The following KAT6A variants were observed in gnomAD, a reference collection of about 807,000 sequenced individuals.
KAT6A encodes the protein lysine acetyltransferase 6A.
In KAT6A, 9 loss-of-function variants were observed where a neutral mutation model predicts 198.4. The ratio of observed to expected loss-of-function variants is 0.05; its 90% CI spans 0.03 to 0.08. The LOEUF is 0.08. KAT6A is among the 10% of genes least tolerant of loss of function. The pLI, the probability that KAT6A is intolerant of heterozygous loss-of-function variation, is 1.00. For synonymous variants in KAT6A, 890 were observed against 883.0 expected, an observed-to-expected ratio of 1.01 and a Z score of -0.14; for missense variants, 2,077 against 2,509.9, an observed-to-expected ratio of 0.83 and a Z score of 3.69.
chr8:42,007,875 T>C (rs2150906493), intron 2 of KAT6A, among the ~76,000 whole-genome samples: 1 of 139,254 alleles, frequency 7.2e-6, no homozygotes, highest in African/African-American at 2.7e-5. Flanking sequence ...GGCAGGAGAA[T>C]GGCGTGAACC....
chr8:42,028,167 A>G lies in KAT6A; in HGVS notation c.600+20211T>C, dbSNP rs574705191. Among the ~76,000 whole-genome samples, 35 of 152,324 alleles carry G rather than the reference A, an allele frequency of 2.3e-4. No individual in the cohort carries two copies. The South Asian group carries it at 3.5e-3, about 15-fold the overall frequency. ...TGTTGAGACTTGTTTGGTCTATCCTAGAGAATGATCCATGTGCTGATGAGA... is the reference window on the plus strand; with the variant it reads ...TGTTGAGACTTGTTTGGTCTATCCTGGAGAATGATCCATGTGCTGATGAGA... On this transcript the variant is annotated intron_variant, in intron 2 of 16. Coordinates refer to ENST00000265713, the MANE Select transcript of KAT6A (RefSeq NM_006766.5).
At chr8:42,032,871 CTTTTTT>C (rs1163323345) in intron 2 of KAT6A, among the ~76,000 whole-genome samples, 4 of 76,534 alleles carry the variant, frequency 5.2e-5, no homozygotes, top group African/African-American at 1.1e-4. Flanking sequence ...AAAACCTTGG[CTTTTTT>C]TTTTTTTTTT....
chr8:42,029,841 C>T (rs549664351), intron 2 of KAT6A, among the ~76,000 whole-genome samples: 1 of 152,110 alleles, frequency 6.6e-6, no homozygotes, highest in Non-Finnish European at 1.5e-5. Context: ...TGTTAAATTT[C>T]TCATTCAGAT....
At chr8:42,038,370 G>A (rs1827479053) in intron 2 of KAT6A, among the ~76,000 whole-genome samples, 1 of 152,170 alleles carries the variant, frequency 6.6e-6, no homozygotes, top group South Asian at 2.1e-4. Context: ...TAACAAGAGT[G>A]TATAGCTATT....
intron 2 of KAT6A, among the ~76,000 whole-genome samples, chr8:42,017,753 G>T (rs1826344218): frequency 6.6e-6 from 1 of 152,132 alleles, no homozygotes; most frequent in South Asian, 2.1e-4. Flanking sequence ...TGCACTTGAG[G>T]ATTCTGAACA....
chr8:41,993,125 A>G (rs545940304), intron 2 of KAT6A, among the ~76,000 whole-genome samples: 3 of 152,292 alleles, frequency 2.0e-5, no homozygotes, highest in African/African-American at 7.2e-5. Context: ...GATCAGTTTC[A>G]CATTACTAGA....
At chr8:41,980,688 A>T (rs1418627381) in intron 5 of KAT6A, among the ~76,000 whole-genome samples, 158 bp downstream of exon 5, 1 of 152,212 alleles carries the variant, frequency 6.6e-6, no homozygotes, top group Non-Finnish European at 1.5e-5. Flanking sequence ...ACTCAGAAAG[A>T]CTATCCCCCC....
chr8:42,045,638 C>A (rs1360330201), intron 2 of KAT6A, among the ~76,000 whole-genome samples: 1 of 149,010 alleles, frequency 6.7e-6, no homozygotes, highest in Non-Finnish European at 1.5e-5. Context: ...TTCATTTTTT[C>A]AATTATTAAA....
chr8:41,943,582 T>C (rs1822246773), intron 13 of KAT6A, among the ~76,000 whole-genome samples, 166 bp downstream of exon 13: 1 of 152,150 alleles, frequency 6.6e-6, no homozygotes, highest in Admixed American at 6.5e-5. Flanking sequence ...AGACCATATA[T>C]ATAGTCAATC....
At position 41,981,929 on chromosome 8, in the gene KAT6A, G is replaced by C; in HGVS notation, c.735C>G (p.Ser245=). 1 of 1,613,044 alleles carries C rather than the reference G, an allele frequency of 6.2e-7. No homozygotes were observed. The highest frequency in any genetic ancestry group is 8.5e-7 in the Non-Finnish European group (1 of 1,179,146). ...NSGHPSCLKF[S]PELTVRVKAL... is the part of the protein sequence containing the mutation. ...CCTTCACTCGAACCGTTAGTTCAGGGGAAAACTTTAAACAGGATGGATGGC... is the reference window on the plus strand; with the variant it reads ...CCTTCACTCGAACCGTTAGTTCAGGCGAAAACTTTAAACAGGATGGATGGC... The change falls in exon 4 of 17, where the codon TCC becomes TCG. Residue 245 remains serine (S), a synonymous_variant. Coordinates refer to ENST00000265713, the MANE Select transcript of KAT6A (RefSeq NM_006766.5).
At chr8:42,050,834 T>C (rs895939582) in intron 1 of KAT6A, among the ~76,000 whole-genome samples, 2 of 152,046 alleles carry the variant, frequency 1.3e-5, no homozygotes, top group African/African-American at 4.8e-5. Flanking sequence ...CCAGTCGGGA[T>C]TGTCATCAGT....
At chr8:41,982,494 T>G (rs1046149220) in intron 3 of KAT6A, among the ~76,000 whole-genome samples, 4 of 152,236 alleles carry the variant, frequency 2.6e-5, no homozygotes, top group African/African-American at 9.6e-5. Flanking sequence ...TTTTGCTTTC[T>G]GAGGCTTTAG....
rs1433510968 is a variant in KAT6A at position 41,933,668 on chromosome 8, A to G, written c.4552T>C (p.Ser1518Pro). ...TTCTGCATAGAGGGTGCGGACAGGG[A>G]TCCTTGTTCTGGGCTGATCTGGGTG... is the stretch of plus-strand genomic sequence containing the variant. ...GYTQISPEQG[S>P]LSAPSMQNME... The change falls in exon 17 of 17, where the codon TCC (serine) becomes CCC (proline). Residue 1518 changes from serine (S) to proline (P), a missense_variant. Coordinates refer to ENST00000265713, the MANE Select transcript of KAT6A (RefSeq NM_006766.5). This position sits in a 1 kb window ranked among gnomAD's most constrained non-coding sequence, Gnocchi z 6.2. The G allele has an allele frequency of 1.3e-5, 21 of 1,613,886 alleles. No individual in the cohort carries two copies. The highest frequency in any genetic ancestry group is 1.7e-5 in the Non-Finnish European group (20 of 1,180,018).
At chr8:42,030,628 G>A (rs1827062050) in intron 2 of KAT6A, among the ~76,000 whole-genome samples, 1 of 151,768 alleles carries the variant, frequency 6.6e-6, no homozygotes. Flanking sequence ...GCAGTGGCGG[G>A]ATCTTGGTTC....
At chr8:42,011,009 T>C (rs1439951905) in intron 2 of KAT6A, among the ~76,000 whole-genome samples, 1 of 152,102 alleles carries the variant, frequency 6.6e-6, no homozygotes, top group Non-Finnish European at 1.5e-5. Flanking sequence ...GAGGAGATAA[T>C]CCAGGCAATA....
intron 13 of KAT6A, 63 bp from the exon 14 acceptor site, chr8:41,943,063 G>A: frequency 2.5e-6 from 4 of 1,597,102 alleles, no homozygotes; most frequent in Admixed American, 3.4e-5. Context: ...AAATGAATGT[G>A]GAGATGAGAC....
chr8:41,997,483 C>T (rs1043727370), intron 2 of KAT6A, among the ~76,000 whole-genome samples: 1 of 152,178 alleles, frequency 6.6e-6, no homozygotes, highest in Non-Finnish European at 1.5e-5. Flanking sequence ...ATTTTATTTT[C>T]ACTGTACCTA....
intron 8 of KAT6A, among the ~76,000 whole-genome samples, chr8:41,964,272 T>C (rs1358492034): frequency 6.6e-6 from 1 of 152,184 alleles, no homozygotes; most frequent in Non-Finnish European, 1.5e-5. Context: ...AATAAAGTTG[T>C]ATTAAATGAA....
intron 2 of KAT6A, among the ~76,000 whole-genome samples, chr8:42,040,763 AAG>A (rs1827626979): frequency 6.7e-6 from 1 of 150,254 alleles, no homozygotes; most frequent in African/African-American, 2.4e-5. Context: ...AAAAAAAAGA[AAG>A]AAAGAAAGAA....
Sources: gnomAD v4.1 joint callset for allele counts (sites outside exome capture counted in the v4.1 genomes callset) on GRCh38, gnomAD v4.1.1 for gene constraint, Gnocchi (gnomAD v3.1) non-coding constraint, MANE v1.5 for transcripts, NCBI Gene and HGNC (gene_info 2026-07-23, HGNC 2026-07-21) for gene names.